The following ARHGAP22 variants were observed in gnomAD, a reference collection of about 807,000 sequenced individuals.
ARHGAP22 encodes Rho GTPase activating protein 22.
In ARHGAP22, 48 loss-of-function variants were observed where a neutral mutation model predicts 59.1. That is an observed-to-expected ratio of 0.81 (90% CI 0.64 to 1.03). The LOEUF is 1.03. Among genes scored for constraint, ARHGAP22 ranks in the 50% least tolerant of loss-of-function variants. The pLI is 0.00. For missense variants in ARHGAP22, 1,015 were observed against 958.7 expected (o/e 1.06, Z -0.78); for synonymous variants, 445 against 416.4 (o/e 1.07, Z -0.84).
upstream of ARHGAP22, chr10:48,655,724 G>A (rs1407535304): frequency 6.5e-6 from 1 of 153,266 alleles, no homozygotes; most frequent in Non-Finnish European, 1.5e-5. Flanking sequence ...AGGTCTTCTG[G>A]AACCAGGCCA....
chr10:48,480,988 G>T (rs2049253006), intron 3 of ARHGAP22, among the ~76,000 whole-genome samples: 1 of 152,260 alleles, frequency 6.6e-6, no homozygotes. Context: ...GCGGGCCCGT[G>T]GGGAGGCAGG....
At chr10:48,648,221 T>C (rs1459145932) in intron 1 of ARHGAP22, among the ~76,000 whole-genome samples, 3 of 152,088 alleles carry the variant, frequency 2.0e-5, no homozygotes, top group Non-Finnish European at 2.9e-5. Context: ...TTGAAATACA[T>C]AGAATATGAT....
chr10:48,491,117 G>A (rs2050347130), intron 3 of ARHGAP22, among the ~76,000 whole-genome samples: 1 of 152,080 alleles, frequency 6.6e-6, no homozygotes, highest in South Asian at 2.1e-4. Flanking sequence ...GCCTGAACCA[G>A]CTCCCCAACC....
chr10:48,435,266 A>C, the ARHGAP22 span: 11 of 385,942 alleles, frequency 2.9e-5, no homozygotes, highest in Non-Finnish European at 5.0e-5. Context: ...TAACTGTATA[A>C]TGTAAACCTA....
At chr10:48,656,190 C>CG (rs2062800147), upstream of ARHGAP22, 1 of 148,440 alleles carries the variant, frequency 6.7e-6, no homozygotes. Context: ...GATGAGCAGG[C>CG]GAGCAGGGCC....
chr10:48,474,388 T>C (rs761755044), intron 4 of ARHGAP22, among the ~76,000 whole-genome samples: 16 of 103,284 alleles, frequency 1.5e-4, no homozygotes, highest in Non-Finnish European at 2.2e-4. Flanking sequence ...CAAACAGAGA[T>C]ACTTTAATGT....
At chr10:48,553,205 C>T (rs1434260866) in intron 3 of ARHGAP22, among the ~76,000 whole-genome samples, 3 of 152,264 alleles carry the variant, frequency 2.0e-5, no homozygotes, top group African/African-American at 7.2e-5. Flanking sequence ...TCTGCAAAGG[C>T]TGACTGGACC....
upstream of ARHGAP22, among the ~76,000 whole-genome samples, chr10:48,653,566 A>G (rs2136228312): frequency 6.6e-6 from 1 of 152,386 alleles, no homozygotes; most frequent in Admixed American, 6.5e-5. Flanking sequence ...GGATAGCTGG[A>G]AGCAGAAGGA....
intron 3 of ARHGAP22, among the ~76,000 whole-genome samples, chr10:48,512,508 C>G (rs1334846750): frequency 1.3e-5 from 2 of 152,208 alleles, no homozygotes; most frequent in African/African-American, 4.8e-5. Flanking sequence ...TTCAACAAAA[C>G]AATACTGGTC....
At chr10:48,635,511 C>A (rs1052197221) in intron 1 of ARHGAP22, among the ~76,000 whole-genome samples, 1 of 152,214 alleles carries the variant, frequency 6.6e-6, no homozygotes, top group African/African-American at 2.4e-5. Context: ...GACCCTAAGC[C>A]CTGGGCAAAC....
chr10:48,635,367 T>C (rs771427621), intron 1 of ARHGAP22, among the ~76,000 whole-genome samples: 5 of 152,240 alleles, frequency 3.3e-5, no homozygotes, highest in African/African-American at 1.2e-4. Context: ...CTTTGGGTGC[T>C]CCGTAACTTG....
chr10:48,474,017 G>A (rs2048474105), intron 4 of ARHGAP22, among the ~76,000 whole-genome samples: 1 of 152,126 alleles, frequency 6.6e-6, no homozygotes, highest in Admixed American at 6.5e-5. Context: ...AACTGGGCGT[G>A]GAAGTTCAGA....
At chr10:48,581,693 C>T (rs1203293020) in intron 2 of ARHGAP22, among the ~76,000 whole-genome samples, 1 of 152,206 alleles carries the variant, frequency 6.6e-6, no homozygotes, top group Non-Finnish European at 1.5e-5. Context: ...ATTTGAACCA[C>T]TTTTAAATAT....
At chr10:48,560,769 C>T (rs1250733413) in intron 2 of ARHGAP22, among the ~76,000 whole-genome samples, 2 of 152,070 alleles carry the variant, frequency 1.3e-5, no homozygotes, top group Admixed American at 6.5e-5. Flanking sequence ...TATTTTTTCT[C>T]TTTCTTCATT....
At chr10:48,436,207 G>GT in the ARHGAP22 span, 3 of 152,230 alleles carry the variant, frequency 2.0e-5, no homozygotes, top group African/African-American at 7.2e-5. Context: ...TCTAAGGACT[G>GT]TTTCTTCACA....
chr10:48,545,527 C>T (rs1232669369), intron 3 of ARHGAP22, among the ~76,000 whole-genome samples: 3 of 152,212 alleles, frequency 2.0e-5, no homozygotes, highest in Non-Finnish European at 4.4e-5. Context: ...TCAGCAGGGG[C>T]TGCACGAGGT....
chr10:48,507,722 C>T (rs1319184796), intron 3 of ARHGAP22, among the ~76,000 whole-genome samples: 2 of 152,168 alleles, frequency 1.3e-5, no homozygotes, highest in Non-Finnish European at 2.9e-5. Context: ...ACCAGGACAA[C>T]AAGCAGTCAA....
At chr10:48,455,379 C>G (rs150657642) in intron 5 of ARHGAP22, among the ~76,000 whole-genome samples, 2 of 152,334 alleles carry the variant, frequency 1.3e-5, no homozygotes, top group African/African-American at 4.8e-5. Flanking sequence ...TCAGGGACCA[C>G]CCATCATGCC....
intron 3 of ARHGAP22, among the ~76,000 whole-genome samples, chr10:48,486,170 A>C (rs1429571294): frequency 6.6e-6 from 1 of 152,136 alleles, no homozygotes; most frequent in African/African-American, 2.4e-5. Flanking sequence ...ATCACAGTCT[A>C]CATTAAGTGA....
Sources: allele counts gnomAD v4.1 joint callset (sites outside exome capture counted in the v4.1 genomes callset), GRCh38; gene constraint gnomAD v4.1.1; transcripts MANE v1.5; gene names NCBI Gene and HGNC (gene_info 2026-07-23, HGNC 2026-07-21).